Variants in PDE11A observed in about 807,000 individuals in gnomAD.
PDE11A encodes the protein dual 3',5'-cyclic-AMP and -GMP phosphodiesterase 11A.
In PDE11A, 100 loss-of-function variants were observed where a neutral mutation model predicts 100.5. That is an observed-to-expected ratio of 1.00 (90% CI 0.85 to 1.18). The LOEUF (loss-of-function observed/expected upper bound fraction) is 1.18, where lower values mean the gene tolerates loss of function less well. Among genes scored for constraint, PDE11A ranks in the 50% most tolerant of loss-of-function variants. PDE11A has a pLI of 0.00. For missense variants in PDE11A, 1,141 were observed against 1,152.6 expected (o/e 0.99, Z 0.15); for synonymous variants, 381 against 420.8 (o/e 0.91, Z 1.16).
chr2:178,077,713 A>G (rs1167185782), upstream of PDE11A, among the ~76,000 whole-genome samples: 4 of 152,328 alleles, frequency 2.6e-5, no homozygotes, highest in African/African-American at 4.8e-5. Context: ...AAAGATCTCA[A>G]GATAAGATTA....
intron 2 of PDE11A, among the ~76,000 whole-genome samples, chr2:177,908,483 G>A (rs902066734): frequency 7.9e-5 from 12 of 152,306 alleles, no homozygotes; most frequent in African/African-American, 2.2e-4. Context: ...CTCGCCTCCA[G>A]GTGGAGCTTT....
chr2:177,937,972 T>C (rs935944708), intron 2 of PDE11A, among the ~76,000 whole-genome samples: 1 of 152,158 alleles, frequency 6.6e-6, no homozygotes, highest in Non-Finnish European at 1.5e-5. Context: ...CAGGCAGAAA[T>C]TGGTAACTGT....
chr2:177,774,855 A>G (rs2082357448), intron 9 of PDE11A, among the ~76,000 whole-genome samples: 1 of 152,216 alleles, frequency 6.6e-6, no homozygotes, highest in South Asian at 2.1e-4. Flanking sequence ...ATCTGTGTAT[A>G]TGATATGTCA....
At chr2:177,656,017 C>T (rs78066027) in intron 19 of PDE11A, among the ~76,000 whole-genome samples, 11,235 of 152,166 alleles carry the variant, frequency 0.074, 499 homozygotes, top group East Asian at 0.18. Context: ...GCTCTGAATT[C>T]ATGGCTATTA....
chr2:177,924,243 G>C (rs2085095485), intron 2 of PDE11A, among the ~76,000 whole-genome samples: 1 of 152,036 alleles, frequency 6.6e-6, no homozygotes, highest in Non-Finnish European at 1.5e-5. Flanking sequence ...AACCCAAATT[G>C]TACTTTGGAT....
chr2:177,761,883 C>T (rs1469561344), intron 10 of PDE11A, among the ~76,000 whole-genome samples: 2 of 152,076 alleles, frequency 1.3e-5, no homozygotes, highest in Non-Finnish European at 2.9e-5. Flanking sequence ...TTAAATAATT[C>T]GAATTGAAAG....
At chr2:177,743,260 G>A (rs551466569) in intron 10 of PDE11A, among the ~76,000 whole-genome samples, 1 of 152,256 alleles carries the variant, frequency 6.6e-6, no homozygotes, top group East Asian at 1.9e-4. Flanking sequence ...TTAGTTATAG[G>A]ATCACTAATT....
chr2:177,671,275 TCA>T (rs201166789), intron 17 of PDE11A, among the ~76,000 whole-genome samples: 5,531 of 56,398 alleles, frequency 0.098, 332 homozygotes, highest in African/African-American at 0.17. Context: ...TGTGCTCCTT[TCA>T]CAGCTTAACT....
At chr2:178,057,057 G>A (rs2086908662) in intron 1 of PDE11A, among the ~76,000 whole-genome samples, 1 of 152,062 alleles carries the variant, frequency 6.6e-6, no homozygotes, top group Non-Finnish European at 1.5e-5. Context: ...GAAAAGAGGA[G>A]ATGTTGAGAT....
intron 2 of PDE11A, among the ~76,000 whole-genome samples, chr2:178,103,706 A>T (rs534768306): frequency 7.3e-5 from 11 of 151,172 alleles, no homozygotes; most frequent in East Asian, 3.9e-4. Context: ...TATATATATA[A>T]AACCATATAT....
chr2:178,015,869 G>A (rs1291327039), intron 1 of PDE11A, among the ~76,000 whole-genome samples: 1 of 152,140 alleles, frequency 6.6e-6, no homozygotes, highest in Admixed American at 6.5e-5. Context: ...ACTGGATCCA[G>A]TCTGATGATA....
At chr2:178,081,421 A>G (rs1157609120) in intron 2 of PDE11A, among the ~76,000 whole-genome samples, 5 of 152,246 alleles carry the variant, frequency 3.3e-5, no homozygotes, top group African/African-American at 1.2e-4. Context: ...TGAGCAAATT[A>G]TTCAATTCAT....
At chr2:178,010,547 T>A (rs1402771336) in intron 2 of PDE11A, among the ~76,000 whole-genome samples, 2 of 152,174 alleles carry the variant, frequency 1.3e-5, no homozygotes, top group Non-Finnish European at 2.9e-5. Context: ...ACTCAGTAAT[T>A]TCAGTCTTTG....
chr2:178,020,946 T>TGC (rs1412915493), intron 1 of PDE11A, among the ~76,000 whole-genome samples: 1 of 150,264 alleles, frequency 6.7e-6, no homozygotes, highest in African/African-American at 2.4e-5. Flanking sequence ...TGTGTGTGTG[T>TGC]GTGTGTGTGT....
chr2:178,049,773 C>T (rs2086797830), intron 1 of PDE11A, among the ~76,000 whole-genome samples: 2 of 152,122 alleles, frequency 1.3e-5, no homozygotes, highest in African/African-American at 2.4e-5. Context: ...AGTCTGAGAT[C>T]GAACTGCAAG....
At chr2:178,039,770 G>A (rs558415004) in intron 1 of PDE11A, among the ~76,000 whole-genome samples, 25 of 151,912 alleles carry the variant, frequency 1.6e-4, no homozygotes, top group Non-Finnish European at 2.2e-4. Flanking sequence ...AACATTATAC[G>A]GCACTGGAAA....
At chr2:178,097,154 G>C (rs1196677582) in intron 2 of PDE11A, among the ~76,000 whole-genome samples, 1 of 152,144 alleles carries the variant, frequency 6.6e-6, no homozygotes, top group Non-Finnish European at 1.5e-5. Context: ...CCAAAGTGCT[G>C]GGATTACAGG....
intron 2 of PDE11A, chr2:177,921,945 TGACA>T (rs1574280884): frequency 1.3e-5 from 2 of 152,252 alleles, no homozygotes; most frequent in East Asian, 3.8e-4. Context: ...TGGGGAAATC[TGACA>T]GACAGGAAGC....
chr2:177,906,713 C>T (rs1168492100), intron 2 of PDE11A, among the ~76,000 whole-genome samples: 1 of 152,276 alleles, frequency 6.6e-6, no homozygotes, highest in Admixed American at 6.5e-5. Context: ...CCCTTTCTTG[C>T]TACTCCCCCT....
Sources: gnomAD v4.1 joint callset for allele counts (sites outside exome capture counted in the v4.1 genomes callset) on GRCh38, gnomAD v4.1.1 for gene constraint, MANE v1.5 for transcripts, NCBI Gene and HGNC (gene_info 2026-07-23, HGNC 2026-07-21) for gene names.